Variants in LRFN5 observed in about 807,000 individuals in gnomAD.
LRFN5 encodes the protein leucine-rich repeat and fibronectin type-III domain-containing protein 5.
LRFN5 carries 24 observed loss-of-function variants against 45.6 expected under a neutral mutation model. The ratio of observed to expected loss-of-function variants is 0.53; its 90% CI spans 0.38 to 0.74. The LOEUF is 0.74. Ranked by LOEUF, LRFN5 falls within the 30% of genes least tolerant of loss-of-function variation. The pLI is 0.00. For synonymous variants in LRFN5, 340 were observed against 313.8 expected (o/e 1.08, Z -0.88); for missense variants, 776 against 861.5 (o/e 0.90, Z 1.24).
intron 1 of LRFN5, among the ~76,000 whole-genome samples, chr14:41,673,006 A>G (rs933416274): frequency 4.6e-5 from 7 of 151,994 alleles, no homozygotes; most frequent in African/African-American, 1.7e-4. Context: ...AGTTAAATAT[A>G]TGAGATTTTT....
At chr14:41,744,952 A>G (rs1441969077) in intron 1 of LRFN5, among the ~76,000 whole-genome samples, 1 of 152,140 alleles carries the variant, frequency 6.6e-6, no homozygotes, top group Non-Finnish European at 1.5e-5. Flanking sequence ...GGATACTTCA[A>G]TACTTCACTC....
intron 2 of LRFN5, among the ~76,000 whole-genome samples, chr14:41,776,502 A>G (rs1382787463): frequency 6.6e-6 from 1 of 152,136 alleles, no homozygotes; most frequent in Non-Finnish European, 1.5e-5. Flanking sequence ...ATTTCACACA[A>G]TGTATGGATG....
chr14:41,715,112 A>T (rs576112259), intron 1 of LRFN5, among the ~76,000 whole-genome samples: 1 of 152,290 alleles, frequency 6.6e-6, no homozygotes, highest in South Asian at 2.1e-4. Context: ...AGGAATTTGT[A>T]TATTAAGGTA....
In LRFN5 at chr14:41,891,337, T is replaced by C. The variant is rs1414152361; in HGVS notation, c.1473T>C (p.Asp491=). Residue 491 remains aspartate (D), a synonymous_variant, in exon 4 of 6, where the codon GAT becomes GAC. Coordinates refer to ENST00000298119, the MANE Select transcript of LRFN5 (RefSeq NM_152447.5). ...MYDLCVLAIY[D]DGITSLTATR... is the part of the protein sequence containing the mutation. ...ACTTGTGTGTCTTGGCCATATATGATGATGGCATCACTTCCCTCACTGCCA... is the reference window on the plus strand; with the variant it reads ...ACTTGTGTGTCTTGGCCATATATGACGATGGCATCACTTCCCTCACTGCCA... 1 of 1,614,138 alleles carries C rather than the reference T, an allele frequency of 6.2e-7. No individual in the cohort carries two copies. The highest frequency in any genetic ancestry group is 8.5e-7 in the Non-Finnish European group (1 of 1,180,018).
At chr14:41,696,505 CT>C (rs1287910568) in intron 1 of LRFN5, among the ~76,000 whole-genome samples, 1 of 127,014 alleles carries the variant, frequency 7.9e-6, no homozygotes, top group Non-Finnish European at 1.6e-5. Flanking sequence ...GCCACAGTCA[CT>C]TTACCCTTCA....
intron 2 of LRFN5, among the ~76,000 whole-genome samples, chr14:41,875,701 T>C (rs367756669): frequency 3.9e-5 from 6 of 152,232 alleles, no homozygotes; most frequent in African/African-American, 1.4e-4. Context: ...TATAGTTAAG[T>C]GTGTCATTTT....
chr14:41,810,375 T>A (rs1566457760), intron 2 of LRFN5, among the ~76,000 whole-genome samples: 1 of 151,958 alleles, frequency 6.6e-6, no homozygotes, highest in Non-Finnish European at 1.5e-5. Flanking sequence ...ACCAAAGAGG[T>A]GCCAGTTTTT....
chr14:41,666,895 A>G (rs1459237470), intron 1 of LRFN5, among the ~76,000 whole-genome samples: 1 of 152,136 alleles, frequency 6.6e-6, no homozygotes, highest in African/African-American at 2.4e-5. Context: ...CTTCAATTTG[A>G]CCCATATAGA....
chr14:41,682,009 G>A (rs1051019383), intron 1 of LRFN5, among the ~76,000 whole-genome samples: 2 of 150,926 alleles, frequency 1.3e-5, no homozygotes, highest in African/African-American at 2.4e-5. Flanking sequence ...GTAGAGACAG[G>A]GTTTCACCAT....
intron 1 of LRFN5, among the ~76,000 whole-genome samples, chr14:41,640,181 T>A (rs1879509932): frequency 6.6e-6 from 1 of 151,968 alleles, no homozygotes; most frequent in Non-Finnish European, 1.5e-5. Flanking sequence ...GGTGGAAACA[T>A]ATTTCATTGT....
In LRFN5 at chr14:41,625,838, G is replaced by A. The variant is rs530177338; in HGVS notation, c.-197+17276G>A. ...TATACAGCCTAAGTATTCATCAATG[G>A]AGTGTAGGTTTCTTAACAATCTTAT... is the stretch of plus-strand genomic sequence containing the variant. On this transcript the variant is annotated intron_variant, in intron 1 of 5. Transcript: ENST00000298119. Among the ~76,000 whole-genome samples, 18 of 152,194 alleles carry A rather than the reference G, an allele frequency of 1.2e-4. No individual in the cohort carries two copies. The South Asian group carries it at 3.3e-3, about 28-fold the overall frequency.
Position 41,607,055 on chromosome 14 carries a change from T to C in LRFN5, c.-1704T>C, listed in dbSNP as rs1594541788. 6.6e-6 allele frequency among the ~76,000 whole-genome samples: 1 copy of C among 152,058 alleles called. No homozygotes were observed. The highest frequency in any genetic ancestry group is 1.5e-5 in the Non-Finnish European group (1 of 67,964). On this transcript the variant is annotated 5_prime_UTR_variant, in exon 1 of 6. Transcript: ENST00000298119. ...GAACTGCGGACTCGCCCCAGCGCGG[T>C]GGCCAGCGGGCGGGGCGCTGTGTTC...
At chr14:41,869,527 G>A (rs924340389) in intron 2 of LRFN5, among the ~76,000 whole-genome samples, 3 of 151,548 alleles carry the variant, frequency 2.0e-5, no homozygotes, top group African/African-American at 4.9e-5. Flanking sequence ...AAATTATATC[G>A]AGTACTATTT....
intron 1 of LRFN5, among the ~76,000 whole-genome samples, chr14:41,648,734 C>G (rs1179326399): frequency 6.6e-6 from 1 of 152,012 alleles, no homozygotes; most frequent in Non-Finnish European, 1.5e-5. Context: ...TTCACCTCCC[C>G]TCCACTCCGC....
At chr14:41,724,798 G>C (rs1425219677) in intron 1 of LRFN5, among the ~76,000 whole-genome samples, 2 of 152,070 alleles carry the variant, frequency 1.3e-5, no homozygotes, top group African/African-American at 2.4e-5. Context: ...TGAGAATCAT[G>C]TCAGTTCTTC....
At chr14:41,618,988 G>A (rs983688972) in intron 1 of LRFN5, among the ~76,000 whole-genome samples, 3 of 151,922 alleles carry the variant, frequency 2.0e-5, no homozygotes, top group Admixed American at 6.6e-5. Context: ...AATTTATAAC[G>A]TAGTGACTTA....
At chr14:41,751,054 T>C (rs1025218684) in intron 1 of LRFN5, among the ~76,000 whole-genome samples, 1 of 151,886 alleles carries the variant, frequency 6.6e-6, no homozygotes, top group Non-Finnish European at 1.5e-5. Context: ...CTCCCACTTA[T>C]GAGTGAGAAC....
intron 2 of LRFN5, among the ~76,000 whole-genome samples, chr14:41,865,062 A>G (rs1418132650): frequency 6.6e-6 from 1 of 152,154 alleles, no homozygotes; most frequent in Non-Finnish European, 1.5e-5. Flanking sequence ...TCATTATTTT[A>G]GAACAGTTGT....
chr14:41,804,275 G>A (rs1283269619), intron 2 of LRFN5, among the ~76,000 whole-genome samples: 2 of 152,014 alleles, frequency 1.3e-5, no homozygotes, highest in Non-Finnish European at 2.9e-5. Flanking sequence ...ATTGGTTGGG[G>A]ATGCAATCAT....
Sources: allele counts gnomAD v4.1 joint callset (sites outside exome capture counted in the v4.1 genomes callset), GRCh38; gene constraint gnomAD v4.1.1; transcripts MANE v1.5; gene names NCBI Gene and HGNC (gene_info 2026-07-23, HGNC 2026-07-21).